The following KCNK10 variants were observed in gnomAD, a reference collection of about 807,000 sequenced individuals.
KCNK10 encodes the protein potassium two pore domain channel subfamily K member 10.
Under a neutral mutation model 47.7 loss-of-function variants are expected in KCNK10, and 25 were observed. That is an observed-to-expected ratio of 0.52 (90% CI 0.38 to 0.73). The LOEUF is 0.73. Ranked by LOEUF, KCNK10 falls within the 30% of genes least tolerant of loss-of-function variation. The probability of loss-of-function intolerance (pLI) is 0.00; values close to 1 mark genes in which losing one functional copy is unlikely to be tolerated. For synonymous variants in KCNK10, 303 were observed against 285.6 expected, an observed-to-expected ratio of 1.06 and a Z score of -0.61; for missense variants, 563 against 714.5, an observed-to-expected ratio of 0.79 and a Z score of 2.42.
chr14:88,249,309 T>C (rs1231319776), intron 2 of KCNK10, among the ~76,000 whole-genome samples: 1 of 152,228 alleles, frequency 6.6e-6, no homozygotes, highest in African/African-American at 2.4e-5. Flanking sequence ...ATTGCAGACC[T>C]GAATGATAAC....
rs541561059 is a variant in KCNK10 at position 88,231,624 on chromosome 14, G to C, written c.521-4089C>G. Among the ~76,000 whole-genome samples, 28 of 152,268 alleles carry C rather than the reference G, an allele frequency of 1.8e-4. 1 individual carries two copies. The South Asian group carries it at 5.4e-3, about 29-fold the overall frequency. ...CAGCTTAGAAAAGCTAGTTACGGGG[G>C]ACCCACCAGCTGAGCCAATAATCAA... On this transcript the variant is annotated intron_variant, in intron 3 of 6. Coordinates refer to ENST00000319231, the MANE Select transcript of KCNK10 (RefSeq NM_138317.3).
intron 4 of KCNK10, among the ~76,000 whole-genome samples, chr14:88,197,992 C>T (rs1183093789): frequency 7.2e-5 from 11 of 152,100 alleles, no homozygotes; most frequent in Non-Finnish European, 4.4e-5. Context: ...TGGCACTGTC[C>T]ATGGTGCCCC....
chr14:88,302,438 G>A (rs565810871), intron 1 of KCNK10, among the ~76,000 whole-genome samples: 70 of 152,306 alleles, frequency 4.6e-4, no homozygotes, highest in African/African-American at 1.6e-3. Flanking sequence ...GGCCAGGCGC[G>A]GTGGCTTATG....
intron 1 of KCNK10, among the ~76,000 whole-genome samples, chr14:88,270,195 A>G (rs1201541760): frequency 6.6e-6 from 1 of 152,084 alleles, no homozygotes; most frequent in African/African-American, 2.4e-5. Flanking sequence ...CCCAGGTTAC[A>G]GCTCAGCCTG....
intron 2 of KCNK10, among the ~76,000 whole-genome samples, chr14:88,251,666 T>C (rs1041869669): frequency 1.3e-5 from 2 of 152,244 alleles, no homozygotes; most frequent in Non-Finnish European, 2.9e-5. Flanking sequence ...AATGTACTGA[T>C]TGACCAGATT....
intron 1 of KCNK10, chr14:88,270,851 GCTA>G: frequency 1.3e-6 from 1 of 780,402 alleles, no homozygotes; most frequent in Admixed American, 1.7e-5. Context: ...ATGGACCCTT[GCTA>G]ACAATGCTCT....
chr14:88,281,156 G>A (rs981130855), intron 1 of KCNK10, among the ~76,000 whole-genome samples: 3 of 152,066 alleles, frequency 2.0e-5, no homozygotes, highest in African/African-American at 4.8e-5. Context: ...GTTTCCACTC[G>A]GTTACCACTC....
At chr14:88,259,236 T>A (rs1005226587) in intron 2 of KCNK10, among the ~76,000 whole-genome samples, 1 of 152,192 alleles carries the variant, frequency 6.6e-6, no homozygotes, top group South Asian at 2.1e-4. Flanking sequence ...AAGGTATCAG[T>A]GAACTGAAGG....
intron 4 of KCNK10, among the ~76,000 whole-genome samples, chr14:88,223,994 A>T (rs1885905558): frequency 6.6e-6 from 1 of 150,788 alleles, no homozygotes; most frequent in Non-Finnish European, 1.5e-5. Context: ...TAGCCTTGCC[A>T]ACACAGTGAA....
At position 88,323,023 on chromosome 14, in the gene KCNK10, C is replaced by G. The variant is rs1323102209; in HGVS notation, c.-225G>C. On this transcript the variant is annotated 5_prime_UTR_variant, in exon 1 of 7. Transcript: ENST00000319231. ...TTTGCACCGGCCAGGGGGTGGCCGG[C>G]CGCGGCCCCGTGGGTAAAAGAAAAA... 7.4e-7 allele frequency: 1 copy of G among 1,348,442 alleles called. No homozygotes were observed. Among genetic ancestry groups the G allele is most frequent in the African/African-American group, 1.5e-5 (1 of 67,632 alleles). The allele number at this position is 1,348,442 out of a possible 1,614,324, so 83.5% of individuals were successfully genotyped here. A position where few individuals can be genotyped will look rare whatever the true frequency, so the allele number is the denominator to read the frequency against.
chr14:88,270,859 T>A, intron 1 of KCNK10: 2 of 780,302 alleles, frequency 2.6e-6, no homozygotes, highest in South Asian at 2.7e-5. Context: ...TTGCTAACAA[T>A]GCTCTGAAGG....
In KCNK10 at chr14:88,182,921, T is replaced by C. The variant is rs1003093215; in HGVS notation, c.*2614A>G. 3 of 152,288 alleles carry C rather than the reference T, an allele frequency of 2.0e-5. No individual in the cohort carries two copies. Among genetic ancestry groups the C allele is most frequent in the Admixed American group, 6.5e-5 (1 of 15,278 alleles). 9.4% of individuals were successfully genotyped at this position (152,288 alleles called of 1,614,324 possible). A position where few individuals can be genotyped will look rare whatever the true frequency, so the allele number is the denominator to read the frequency against. ...TTTCCAAAACCAAATAAATGTACAGTAGGTGTCTGCAGGGGCAACCCTTTG... is the reference window on the plus strand; with the variant it reads ...TTTCCAAAACCAAATAAATGTACAGCAGGTGTCTGCAGGGGCAACCCTTTG... On this transcript the variant is annotated 3_prime_UTR_variant, in exon 7 of 7. Coordinates refer to ENST00000319231, the MANE Select transcript of KCNK10 (RefSeq NM_138317.3).
chr14:88,284,984 C>T (rs748753955), intron 1 of KCNK10, among the ~76,000 whole-genome samples: 3 of 152,194 alleles, frequency 2.0e-5, no homozygotes, highest in Admixed American at 1.3e-4. Context: ...CTAGTAAGCA[C>T]TTAAATAACT....
At position 88,224,030 on chromosome 14, in the gene KCNK10, A is replaced by G. The variant is rs1014698224; in HGVS notation, c.681+3345T>C. 5.3e-5 allele frequency among the ~76,000 whole-genome samples: 8 copies of G among 152,180 alleles called. No homozygotes were observed. The South Asian group carries it at 8.3e-4, about 16-fold the overall frequency. On this transcript the variant is annotated intron_variant, in intron 4 of 6. Coordinates refer to ENST00000319231, the MANE Select transcript of KCNK10 (RefSeq NM_138317.3). ...ATCCCATCTCCACTTAAAAAAAAAAAAAAAGAAAATTGTGAGCATTCTTAT... is the reference window on the plus strand; with the variant it reads ...ATCCCATCTCCACTTAAAAAAAAAAGAAAAGAAAATTGTGAGCATTCTTAT...
chr14:88,269,145 A>C (rs1334524875), intron 1 of KCNK10, among the ~76,000 whole-genome samples: 1 of 152,238 alleles, frequency 6.6e-6, no homozygotes, highest in Non-Finnish European at 1.5e-5. Flanking sequence ...TCTCAAAAAA[A>C]AGAATACGGC....
Position 88,183,574 on chromosome 14 carries a change from G to A in KCNK10, c.*1961C>T, listed in dbSNP as rs547601817. The A allele has an allele frequency of 2.6e-5, 4 of 152,474 alleles. No homozygotes were observed. Among genetic ancestry groups the A allele is most frequent in the South Asian group, 4.1e-4 (2 of 4,826 alleles). The allele number at this position is 152,474 out of a possible 1,614,324, so 9.4% of individuals were successfully genotyped here. A position where few individuals can be genotyped will look rare whatever the true frequency, so the allele number is the denominator to read the frequency against. On this transcript the variant is annotated 3_prime_UTR_variant, in exon 7 of 7. Transcript: ENST00000319231. ...CACCTGCATAAACATCGCCTCCCAA[G>A]TGACTATTTATTACTGAGTCGACAC...
At chr14:88,252,201 C>T (rs1273358271) in intron 2 of KCNK10, among the ~76,000 whole-genome samples, 1 of 151,976 alleles carries the variant, frequency 6.6e-6, no homozygotes. Context: ...AGACATGAGC[C>T]ACCACGCCCA....
At chr14:88,232,353 T>A (rs1886181247) in intron 3 of KCNK10, among the ~76,000 whole-genome samples, 1 of 152,172 alleles carries the variant, frequency 6.6e-6, no homozygotes, top group Non-Finnish European at 1.5e-5. Flanking sequence ...GCTCCTCAGC[T>A]CTCACGGTTC....
chr14:88,301,144 C>T (rs1888084164), intron 1 of KCNK10, among the ~76,000 whole-genome samples: 1 of 152,180 alleles, frequency 6.6e-6, no homozygotes, highest in South Asian at 2.1e-4. Flanking sequence ...AATAACATTC[C>T]TTGACAGTAG....
Sources: gnomAD v4.1 joint callset for allele counts (sites outside exome capture counted in the v4.1 genomes callset) on GRCh38, gnomAD v4.1.1 for gene constraint, MANE v1.5 for transcripts, NCBI Gene and HGNC (gene_info 2026-07-23, HGNC 2026-07-21) for gene names.